MDGA2: variants seen among roughly 807,000 people sequenced by gnomAD.
MDGA2 encodes MAM domain containing glycosylphosphatidylinositol anchor 2.
A neutral mutation model predicts 117.8 loss-of-function variants in MDGA2; 40 were observed. The ratio of observed to expected loss-of-function variants is 0.34; its 90% CI spans 0.26 to 0.44. The LOEUF is 0.44. Among genes scored for constraint, MDGA2 ranks in the 20% least tolerant of loss-of-function variants. MDGA2 has a pLI of 1.00. For synonymous variants in MDGA2, 452 were observed against 439.0 expected, an observed-to-expected ratio of 1.03 and a Z score of -0.37; for missense variants, 1,123 against 1,250.6, an observed-to-expected ratio of 0.90 and a Z score of 1.54.
At chr14:47,161,297 T>C (rs75929787) in intron 3 of MDGA2, among the ~76,000 whole-genome samples, 4,211 of 152,176 alleles carry the variant, frequency 0.028, 170 homozygotes, top group African/African-American at 0.096. Context: ...GCATTTGTTT[T>C]GTTCATAGTT....
intron 11 of MDGA2, among the ~76,000 whole-genome samples, chr14:46,878,908 T>C (rs1332930173): frequency 6.6e-6 from 1 of 152,126 alleles, no homozygotes; most frequent in Admixed American, 6.6e-5. Flanking sequence ...AGACTTTGCC[T>C]CCAACATTTA....
chr14:47,578,232 A>G (rs1896152441), intron 1 of MDGA2, among the ~76,000 whole-genome samples: 2 of 152,036 alleles, frequency 1.3e-5, no homozygotes, highest in South Asian at 4.2e-4. Flanking sequence ...AGAGGGGAAC[A>G]ACACACATCA....
intron 10 of MDGA2, among the ~76,000 whole-genome samples, chr14:46,911,116 C>G (rs1883684620): frequency 6.6e-6 from 1 of 152,130 alleles, no homozygotes; most frequent in Non-Finnish European, 1.5e-5. Context: ...ACCCATATAA[C>G]AAACTTGTGC....
chr14:47,162,948 A>G (rs2139283862), intron 3 of MDGA2, among the ~76,000 whole-genome samples: 1 of 152,346 alleles, frequency 6.6e-6, no homozygotes, highest in Middle Eastern at 3.4e-3. Flanking sequence ...TGACAAATAA[A>G]TCTCTTTAAA....
intron 1 of MDGA2, among the ~76,000 whole-genome samples, chr14:47,642,505 T>A (rs1469125424): frequency 6.6e-6 from 1 of 152,034 alleles, no homozygotes; most frequent in Non-Finnish European, 1.5e-5. Flanking sequence ...ATCAGATACA[T>A]TTGGATCAAA....
intron 1 of MDGA2, among the ~76,000 whole-genome samples, chr14:47,339,777 G>C (rs754064455): frequency 2.6e-5 from 4 of 151,964 alleles, no homozygotes; most frequent in South Asian, 2.1e-4. Flanking sequence ...ACAGAGCCTC[G>C]GGGATTCCTG....
chr14:47,122,227 G>C (rs1055981368), intron 5 of MDGA2, among the ~76,000 whole-genome samples: 2 of 152,000 alleles, frequency 1.3e-5, no homozygotes, highest in Non-Finnish European at 2.9e-5. Flanking sequence ...TGAAGGAATT[G>C]ATCATACTAC....
intron 1 of MDGA2, among the ~76,000 whole-genome samples, chr14:47,593,605 T>C (rs925918362): frequency 6.6e-6 from 1 of 152,146 alleles, no homozygotes; most frequent in Non-Finnish European, 1.5e-5. Flanking sequence ...GAAGCCATTA[T>C]TCTCAGCCAA....
chr14:46,971,249 T>C (rs1196039257), intron 8 of MDGA2, among the ~76,000 whole-genome samples: 1 of 152,264 alleles, frequency 6.6e-6, no homozygotes, highest in African/African-American at 2.4e-5. Flanking sequence ...ATCAAAGGGA[T>C]ACGTACCTGA....
intron 14 of MDGA2, among the ~76,000 whole-genome samples, chr14:46,865,461 T>C (rs962914373): frequency 3.9e-5 from 6 of 152,116 alleles, no homozygotes; most frequent in Non-Finnish European, 7.4e-5. Context: ...ACTGGAAACA[T>C]TCCCTTTGAA....
intron 1 of MDGA2, among the ~76,000 whole-genome samples, chr14:47,639,154 T>G (rs1897376108): frequency 6.6e-6 from 1 of 152,182 alleles, no homozygotes; most frequent in African/African-American, 2.4e-5. Flanking sequence ...TTTATAGCAC[T>G]TATCACCACC....
chr14:47,389,450 T>A (rs796570281), intron 1 of MDGA2, among the ~76,000 whole-genome samples: 1 of 152,338 alleles, frequency 6.6e-6, no homozygotes, highest in African/African-American at 2.4e-5. Flanking sequence ...ATGGCATACA[T>A]GTAGAATACT....
At chr14:47,176,936 A>G (rs1190528637) in intron 3 of MDGA2, among the ~76,000 whole-genome samples, 2 of 152,216 alleles carry the variant, frequency 1.3e-5, no homozygotes, top group Non-Finnish European at 2.9e-5. Flanking sequence ...ATCTACAATG[A>G]ACTCAAACAA....
chr14:47,439,671 C>T lies in MDGA2; in HGVS notation c.281-138121G>A, dbSNP rs1423374209. Among the ~76,000 whole-genome samples, 4 of 151,672 alleles carry T rather than the reference C, an allele frequency of 2.6e-5. No individual in the cohort carries two copies. In the East Asian group the frequency reaches 7.8e-4, roughly 29 times the overall value. ...TATTTGTACCTACAGGGATAATGAC[C>T]GACTAAATTTTTTTTTCATATATGT... On this transcript the variant is annotated intron_variant, in intron 1 of 16. Transcript: ENST00000399232.
intron 15 of MDGA2, among the ~76,000 whole-genome samples, chr14:46,854,436 C>G (rs963625945): frequency 2.6e-5 from 4 of 151,698 alleles, no homozygotes; most frequent in African/African-American, 9.7e-5. Context: ...TCTGTTGTCT[C>G]TAGCTATCAT....
chr14:47,400,043 T>C (rs1892101341), intron 1 of MDGA2, among the ~76,000 whole-genome samples: 1 of 152,200 alleles, frequency 6.6e-6, no homozygotes, highest in African/African-American at 2.4e-5. Context: ...TTTGAATGCA[T>C]AATGTTCTGG....
chr14:47,351,934 CACACAA>C (rs1450896975), intron 1 of MDGA2, among the ~76,000 whole-genome samples: 39 of 134,202 alleles, frequency 2.9e-4, no homozygotes, highest in African/African-American at 1.1e-3. Flanking sequence ...CACACACACA[CACACAA>C]ACATATATAT....
chr14:47,378,205 T>G (rs1341463319), intron 1 of MDGA2, among the ~76,000 whole-genome samples: 3 of 152,178 alleles, frequency 2.0e-5, no homozygotes, highest in African/African-American at 7.2e-5. Context: ...AAACCCCATC[T>G]GTACATCACC....
chr14:46,920,752 G>A (rs1454359684), intron 9 of MDGA2, among the ~76,000 whole-genome samples: 2 of 152,092 alleles, frequency 1.3e-5, no homozygotes, highest in African/African-American at 2.4e-5. Context: ...CTAAAAATGT[G>A]GTATCCTAGA....
Sources: gnomAD v4.1 joint callset for allele counts (sites outside exome capture counted in the v4.1 genomes callset) on GRCh38, gnomAD v4.1.1 for gene constraint, MANE v1.5 for transcripts, NCBI Gene and HGNC (gene_info 2026-07-23, HGNC 2026-07-21) for gene names.